The following U2SURP variants were observed in gnomAD, a reference collection of about 807,000 sequenced individuals.
U2SURP encodes U2 snRNP associated SURP domain containing.
In U2SURP, 9 loss-of-function variants were observed where a neutral mutation model predicts 144.9. That is an observed-to-expected ratio of 0.06 (90% confidence interval 0.04 to 0.11). The LOEUF (loss-of-function observed/expected upper bound fraction) is 0.11. Ranked by LOEUF, U2SURP falls within the 10% of genes least tolerant of loss-of-function variation. The pLI is 1.00. For missense variants in U2SURP, 724 were observed against 1,226.7 expected, an observed-to-expected ratio of 0.59 and a Z score of 6.12; for synonymous variants, 408 against 396.8, an observed-to-expected ratio of 1.03 and a Z score of -0.33.
chr3:143,019,389 A>C (rs1936528898), intron 6 of U2SURP, among the ~76,000 whole-genome samples: 1 of 152,132 alleles, frequency 6.6e-6, no homozygotes, highest in Non-Finnish European at 1.5e-5. Flanking sequence ...TTTCTCCCAA[A>C]AGTGTTATAG....
At chr3:143,007,854 T>C (rs973136755) in intron 1 of U2SURP, among the ~76,000 whole-genome samples, 1 of 152,234 alleles carries the variant, frequency 6.6e-6, no homozygotes, top group Non-Finnish European at 1.5e-5. Context: ...AGGGAGAAGC[T>C]CAGCTTCTGA....
chr3:143,012,203 T>C lies in U2SURP; in HGVS notation c.91-19T>C. 1 of 1,603,614 alleles carries C rather than the reference T, an allele frequency of 6.2e-7. No individual in the cohort carries two copies. Among genetic ancestry groups the C allele is most frequent in the Non-Finnish European group, 8.5e-7 (1 of 1,176,698 alleles). ...ATATGTGTGGTTTGTTTTTTTCTCTTGTTTTACTTTTCCTGAAGATGGATG... is the reference window on the plus strand; with the variant it reads ...ATATGTGTGGTTTGTTTTTTTCTCTCGTTTTACTTTTCCTGAAGATGGATG... On this transcript the variant is annotated intron_variant, in intron 2 of 27. Coordinates refer to ENST00000473835, the MANE Select transcript of U2SURP (RefSeq NM_001080415.2).
chr3:143,009,427 G>A (rs763488533), intron 1 of U2SURP, among the ~76,000 whole-genome samples: 7 of 151,826 alleles, frequency 4.6e-5, no homozygotes, highest in East Asian at 1.9e-4. Flanking sequence ...GTAAAACTCC[G>A]TCTCTACTAA....
chr3:143,053,246 G>C (rs762667985), intron 25 of U2SURP, among the ~76,000 whole-genome samples: 10 of 152,086 alleles, frequency 6.6e-5, no homozygotes, highest in Non-Finnish European at 1.3e-4. Context: ...TGGGACAGTG[G>C]GGGAAGAGCT....
At chr3:143,049,053 G>A (rs929797327) in intron 24 of U2SURP, among the ~76,000 whole-genome samples, 48 of 149,092 alleles carry the variant, frequency 3.2e-4, no homozygotes, top group Non-Finnish European at 6.5e-4. Flanking sequence ...TCAGGAGTTC[G>A]AGACCAACCT....
chr3:143,034,679 TG>T (rs1164965203), intron 18 of U2SURP: 2 of 458,520 alleles, frequency 4.4e-6, no homozygotes, highest in Admixed American at 3.6e-5. Flanking sequence ...TAGGGACTGT[TG>T]GGGAGTTTGT....
At chr3:143,016,653 T>C (rs1048190704) in intron 5 of U2SURP, among the ~76,000 whole-genome samples, 189 bp from the exon 6 acceptor site, 1 of 152,206 alleles carries the variant, frequency 6.6e-6, no homozygotes. Context: ...TTTTAATATG[T>C]GTCATAGTTT....
intron 2 of U2SURP, among the ~76,000 whole-genome samples, chr3:143,011,325 A>C (rs566006786): frequency 3.3e-5 from 5 of 152,286 alleles, no homozygotes; most frequent in African/African-American, 9.6e-5. Context: ...AAAGCTTTCA[A>C]GTAACATTTT....
intron 25 of U2SURP, among the ~76,000 whole-genome samples, chr3:143,052,642 G>A (rs1934946009): frequency 1.3e-5 from 2 of 152,236 alleles, no homozygotes; most frequent in South Asian, 4.1e-4. Context: ...CTGTGGCAGA[G>A]TTGAGTAGTT....
intron 10 of U2SURP, among the ~76,000 whole-genome samples, chr3:143,021,976 C>T (rs1004192890): frequency 2.0e-5 from 3 of 151,896 alleles, no homozygotes; most frequent in African/African-American, 7.3e-5. Context: ...AATGTAGTAA[C>T]GGTAGTATAT....
At chr3:143,040,929 CT>C (rs1934068701) in intron 23 of U2SURP, among the ~76,000 whole-genome samples, 1 of 151,786 alleles carries the variant, frequency 6.6e-6, no homozygotes, top group Non-Finnish European at 1.5e-5. Flanking sequence ...ACATGCTATT[CT>C]GTGACACGTT....
intron 25 of U2SURP, among the ~76,000 whole-genome samples, chr3:143,052,336 G>A (rs1466846411): frequency 6.6e-6 from 1 of 152,126 alleles, no homozygotes; most frequent in Admixed American, 6.5e-5. Flanking sequence ...GGAGGTTGTC[G>A]TGAGCTGAGA....
chr3:143,038,533 C>T (rs1377187926), intron 22 of U2SURP, among the ~76,000 whole-genome samples: 1 of 151,920 alleles, frequency 6.6e-6, no homozygotes, highest in Non-Finnish European at 1.5e-5. Context: ...AAGCTTTGAC[C>T]CTCCCATAAT....
Position 143,010,821 on chromosome 3 carries a change from T to G in U2SURP, c.52T>G (p.Ser18Ala). Residue 18 changes from serine (S) to alanine (A), a missense_variant, in exon 2 of 28, where the codon TCA becomes GCA. Physicochemically the swap from Ser to Ala is moderately conservative, Grantham distance 99 (BLOSUM62 1). This residue lies in a region of U2SURP where 127 missense variants were observed against 98.2 expected (regional missense o/e 1.29). Coordinates refer to ENST00000473835, the MANE Select transcript of U2SURP (RefSeq NM_001080415.2). ...GSQKASSKTR[S>A]SDVHSSGSSD... The stretch of plus-strand genomic sequence containing the variant: ...TTATTTTTGATACTTGTAGACGAGA[T>G]CATCAGATGTTCATTCATCTGGATC... 6.2e-7 allele frequency: 1 copy of G among 1,607,212 alleles called. No individual in the cohort carries two copies. The highest frequency in any genetic ancestry group is 1.1e-5 in the South Asian group (1 of 90,310).
chr3:143,023,672 T>G (rs1261349999), intron 12 of U2SURP, among the ~76,000 whole-genome samples: 1 of 152,240 alleles, frequency 6.6e-6, no homozygotes, highest in African/African-American at 2.4e-5. Flanking sequence ...AACAGTTAAT[T>G]ATTTCACAAA....
chr3:143,017,340 A>T (rs1056941117), intron 6 of U2SURP: 1 of 159,212 alleles, frequency 6.3e-6, no homozygotes, highest in African/African-American at 2.4e-5. Context: ...TGTAGTGTAT[A>T]TTTCCCAGAA....
chr3:143,046,848 G>A (rs1934496494), intron 24 of U2SURP, among the ~76,000 whole-genome samples: 2 of 128,198 alleles, frequency 1.6e-5, no homozygotes, highest in Non-Finnish European at 3.2e-5. Context: ...CCTCCCAGAC[G>A]GGGTGGTGGC....
Position 143,022,529 on chromosome 3 carries a change from A to G in U2SURP, c.885A>G (p.Gly295=). 6.3e-7 allele frequency: 1 copy of G among 1,585,906 alleles called. No individual in the cohort carries two copies. The highest frequency in any genetic ancestry group is 8.6e-7 in the Non-Finnish European group (1 of 1,166,444). Residue 295 remains glycine, a synonymous_variant, in exon 11 of 28, where the codon GGA becomes GGG. Transcript: ENST00000473835. ...MNEEMLCQEF[G]RFGPLASVKI... Reference sequence around the variant, plus strand: ...AAGAAATGCTGTGCCAAGAATTTGGAAGATTTGGACCGTTAGCCAGTGTGA... The same window carrying G: ...AAGAAATGCTGTGCCAAGAATTTGGGAGATTTGGACCGTTAGCCAGTGTGA...
chr3:143,042,080 G>A (rs1262611859), intron 23 of U2SURP, among the ~76,000 whole-genome samples: 1 of 151,920 alleles, frequency 6.6e-6, no homozygotes. Context: ...TAGCATTGAT[G>A]ACCAGCTTTA....
Sources: gnomAD v4.1 joint callset for allele counts (sites outside exome capture counted in the v4.1 genomes callset) on GRCh38, gnomAD v4.1.1 for gene constraint, gnomAD v4.1.1 regional missense constraint, MANE v1.5 for transcripts, NCBI Gene and HGNC (gene_info 2026-07-23, HGNC 2026-07-21) for gene names.